Variants in MATN2 observed in about 807,000 individuals in gnomAD.
MATN2 encodes the protein matrilin 2.
In MATN2, 69 loss-of-function variants were observed where a neutral mutation model predicts 103.2. That is an observed-to-expected ratio of 0.67 (90% confidence interval 0.55 to 0.82). The LOEUF (loss-of-function observed/expected upper bound fraction) is 0.82. Among genes scored for constraint, MATN2 ranks in the 40% least tolerant of loss-of-function variants. MATN2 has a pLI of 0.00. For synonymous variants in MATN2, 429 were observed against 450.2 expected (o/e 0.95, Z 0.60); for missense variants, 1,023 against 1,211.5 (o/e 0.84, Z 2.31).
Position 98,036,245 on chromosome 8 carries a change from C to T in MATN2, c.*533C>T, listed in dbSNP as rs192228074. The T allele has an allele frequency of 2.0e-5, 3 of 152,242 alleles. No individual in the cohort carries two copies. Among genetic ancestry groups the T allele is most frequent in the Admixed American group, 2.0e-4 (3 of 15,294 alleles). The allele number at this position is 152,242 out of a possible 1,614,324, so 9.4% of individuals were successfully genotyped here. The stretch of plus-strand genomic sequence containing the variant: ...TTCAGTGCAAAAATTCTTAGTTTAA[C>T]TTTAAATGGAAGATATGTATGTATG... On this transcript the variant is annotated 3_prime_UTR_variant, in exon 19 of 19. Coordinates refer to ENST00000254898, the MANE Select transcript of MATN2 (RefSeq NM_002380.5).
intron 6 of MATN2, among the ~76,000 whole-genome samples, chr8:97,990,254 A>G (rs1408518634): frequency 1.3e-5 from 2 of 152,070 alleles, no homozygotes; most frequent in African/African-American, 4.8e-5. Context: ...AACTTCACCA[A>G]AGAATATATA....
At chr8:98,021,679 T>TAAA (rs397778924) in intron 13 of MATN2, among the ~76,000 whole-genome samples, 3 of 132,324 alleles carry the variant, frequency 2.3e-5, no homozygotes, top group South Asian at 2.4e-4. Context: ...AGTTTAAACA[T>TAAA]AAAAAAAAAA....
rs1304928570 is a variant in MATN2 at position 98,007,999 on chromosome 8, G to T, written c.1573+398G>T. The stretch of plus-strand genomic sequence containing the variant: ...ATGCTGTTGCATTCAGGGGACAGAT[G>T]AGGAAAAACTGTAGCTCAGATTAAG... On this transcript the variant is annotated intron_variant, in intron 10 of 18. Transcript: ENST00000254898. This position sits in a 1 kb window ranked among gnomAD's most constrained non-coding sequence, Gnocchi z 4.2. Among the ~76,000 whole-genome samples, 1 of 152,204 alleles carries T rather than the reference G, an allele frequency of 6.6e-6. No individual in the cohort carries two copies. The highest frequency in any genetic ancestry group is 1.5e-5 in the Non-Finnish European group (1 of 68,040).
intron 12 of MATN2, among the ~76,000 whole-genome samples, chr8:98,019,023 T>C (rs1813476403): frequency 6.7e-6 from 1 of 149,554 alleles, no homozygotes; most frequent in East Asian, 1.9e-4. Context: ...TCTTCTATTA[T>C]ATATAAATAT....
intron 10 of MATN2, among the ~76,000 whole-genome samples, chr8:98,013,674 T>C (rs1813257011): frequency 2.6e-5 from 4 of 152,156 alleles, no homozygotes; most frequent in African/African-American, 9.7e-5. Flanking sequence ...AGAGTAGAGA[T>C]TGAAATAATC....
rs1198414565 is a variant in MATN2 at position 97,888,092 on chromosome 8, G to A, written c.-9G>A. The A allele has an allele frequency of 1.2e-6, 2 of 1,606,814 alleles. No homozygotes were observed. Among genetic ancestry groups the A allele is most frequent in the East Asian group, 2.3e-5 (1 of 44,264 alleles). Reference sequence around the variant, plus strand: ...TGTCACAGCCTTGCCCCTCTTGCTCGCCTTGAAAATGGAAAAGATGCTCGC... The same window carrying A: ...TGTCACAGCCTTGCCCCTCTTGCTCACCTTGAAAATGGAAAAGATGCTCGC... On this transcript the variant is annotated 5_prime_UTR_variant, in exon 2 of 19. Coordinates refer to ENST00000254898, the MANE Select transcript of MATN2 (RefSeq NM_002380.5).
At chr8:97,970,977 G>T (rs1811635272) in intron 5 of MATN2, among the ~76,000 whole-genome samples, 1 of 152,072 alleles carries the variant, frequency 6.6e-6, no homozygotes, top group South Asian at 2.1e-4. Context: ...AAAATTAGGG[G>T]TTTATATAGC....
chr8:97,904,332 T>C (rs954826653), intron 2 of MATN2, among the ~76,000 whole-genome samples: 23 of 152,244 alleles, frequency 1.5e-4, no homozygotes, highest in African/African-American at 4.8e-4. Context: ...TAGTAATTGA[T>C]ATTTTCCTTG....
intron 2 of MATN2, among the ~76,000 whole-genome samples, chr8:97,909,417 A>T (rs923680487): frequency 1.3e-5 from 2 of 152,052 alleles, no homozygotes; most frequent in Non-Finnish European, 2.9e-5. Context: ...GGCCAAGGAC[A>T]TTTTTTCTTT....
intron 6 of MATN2, among the ~76,000 whole-genome samples, chr8:97,991,127 G>A (rs994345465): frequency 1.1e-4 from 17 of 152,162 alleles, no homozygotes; most frequent in African/African-American, 3.9e-4. Context: ...TATCCTATGG[G>A]ACACTCTGGT....
intron 4 of MATN2, among the ~76,000 whole-genome samples, chr8:97,944,867 G>A (rs918673972): frequency 2.6e-5 from 4 of 152,170 alleles, no homozygotes; most frequent in East Asian, 1.9e-4. Flanking sequence ...TGTCCTGGGC[G>A]TAGCTGGATA....
intron 3 of MATN2, among the ~76,000 whole-genome samples, chr8:97,937,055 C>T (rs1810392214): frequency 6.6e-6 from 1 of 152,192 alleles, no homozygotes; most frequent in Non-Finnish European, 1.5e-5. Flanking sequence ...CTCCAGTCCA[C>T]AGTCAGGAAG....
intron 10 of MATN2, among the ~76,000 whole-genome samples, chr8:98,009,729 G>T (rs1183511151): frequency 6.6e-6 from 1 of 152,200 alleles, no homozygotes; most frequent in Non-Finnish European, 1.5e-5. Context: ...CAGACTCAGG[G>T]TGTGGGGGGT....
In MATN2 at chr8:97,958,964, G is replaced by A. The variant is rs79866892; in HGVS notation, c.836-2444G>A. ...CACGCCTCTCCTGCTTCCCTCTTCT[G>A]TTTACTCACGCGTCCCAAGCCTGGA... On this transcript the variant is annotated intron_variant, in intron 4 of 18. Transcript: ENST00000254898. 2.5e-3 allele frequency among the ~76,000 whole-genome samples: 375 copies of A among 152,206 alleles called. 3 individuals carry two copies. Among genetic ancestry groups the A allele is most frequent in the African/African-American group, 8.6e-3 (356 of 41,522 alleles).
At chr8:98,019,628 G>A (rs995899423) in intron 12 of MATN2, among the ~76,000 whole-genome samples, 2 of 152,152 alleles carry the variant, frequency 1.3e-5, no homozygotes, top group Non-Finnish European at 2.9e-5. Context: ...AGTACCCAAA[G>A]GAACAGAGGG....
At chr8:97,905,254 A>G (rs1586397856) in intron 2 of MATN2, among the ~76,000 whole-genome samples, 2 of 152,342 alleles carry the variant, frequency 1.3e-5, no homozygotes, top group South Asian at 2.1e-4. Flanking sequence ...AAAATTGACT[A>G]TTTTAACCGT....
chr8:97,989,494 G>A (rs1812323291), intron 6 of MATN2, among the ~76,000 whole-genome samples: 1 of 151,214 alleles, frequency 6.6e-6, no homozygotes, highest in South Asian at 2.1e-4. Flanking sequence ...CGGAATGAAG[G>A]TAACTGCCTC....
At chr8:98,024,421 C>T (rs1217321615) in intron 13 of MATN2, among the ~76,000 whole-genome samples, 5 of 152,172 alleles carry the variant, frequency 3.3e-5, no homozygotes, top group Non-Finnish European at 7.3e-5. Flanking sequence ...AGGAGAATCA[C>T]TTGAACCCAG....
intron 1 of MATN2, among the ~76,000 whole-genome samples, chr8:97,876,351 G>A (rs367937082): frequency 6.6e-6 from 1 of 152,080 alleles, no homozygotes; most frequent in East Asian, 1.9e-4. Flanking sequence ...CACCATGCCC[G>A]GCTAATTTTG....
Sources: allele counts gnomAD v4.1 joint callset (sites outside exome capture counted in the v4.1 genomes callset), GRCh38; gene constraint gnomAD v4.1.1; non-coding constraint Gnocchi (gnomAD v3.1); transcripts MANE v1.5; gene names NCBI Gene and HGNC (gene_info 2026-07-23, HGNC 2026-07-21).